TM2D1: variants seen among roughly 807,000 people sequenced by gnomAD.
TM2D1 encodes the protein TM2 domain containing 1, also known as TM2 domain-containing protein 1.
Under a neutral mutation model 28.4 loss-of-function variants are expected in TM2D1, and 15 were observed. That is an observed-to-expected ratio of 0.53 (90% CI 0.35 to 0.81). The LOEUF is 0.81. Among genes scored for constraint, TM2D1 ranks in the 40% least tolerant of loss-of-function variants. The probability of loss-of-function intolerance (pLI) is 0.01; values close to 1 mark genes in which losing one functional copy is unlikely to be tolerated. For synonymous variants in TM2D1, 93 were observed against 96.2 expected (o/e 0.97, Z 0.20); for missense variants, 236 against 254.9 (o/e 0.93, Z 0.50).
At chr1:61,708,944 C>G (rs1231236348) in intron 3 of TM2D1, among the ~76,000 whole-genome samples, 1 of 151,944 alleles carries the variant, frequency 6.6e-6, no homozygotes, top group Non-Finnish European at 1.5e-5. Flanking sequence ...ATGGGAGAAT[C>G]ATGTCAGGCC....
chr1:61,710,996 T>C (rs923485752), intron 2 of TM2D1, among the ~76,000 whole-genome samples: 2 of 152,164 alleles, frequency 1.3e-5, no homozygotes, highest in Non-Finnish European at 2.9e-5. Flanking sequence ...GTGTTTATAA[T>C]AAAACGCACA....
chr1:61,696,146 T>C (rs755120137), intron 4 of TM2D1: 2 of 152,260 alleles, frequency 1.3e-5, no homozygotes, highest in Non-Finnish European at 2.9e-5. Flanking sequence ...TGAGGTTTTA[T>C]CCAGCGTATT....
chr1:61,716,524 A>T (rs1196493792), intron 2 of TM2D1, among the ~76,000 whole-genome samples: 1 of 145,536 alleles, frequency 6.9e-6, no homozygotes, highest in African/African-American at 2.5e-5. Flanking sequence ...TATGTATATA[A>T]TTATATATGT....
intron 2 of TM2D1, among the ~76,000 whole-genome samples, chr1:61,714,268 C>T (rs143290540): frequency 0.022 from 3,369 of 150,780 alleles, 53 homozygotes; most frequent in Middle Eastern, 0.038. Flanking sequence ...CCTGGATGGG[C>T]GCAGTGGCTC....
At chr1:61,716,495 AAT>A (rs1362538835) in intron 2 of TM2D1, among the ~76,000 whole-genome samples, 1 of 145,376 alleles carries the variant, frequency 6.9e-6, no homozygotes, top group African/African-American at 2.5e-5. Context: ...ATACGTATAT[AAT>A]TATATATAAT....
chr1:61,699,413 G>T (rs898132218), intron 4 of TM2D1: 8 of 152,040 alleles, frequency 5.3e-5, no homozygotes, highest in Non-Finnish European at 8.8e-5. Context: ...GATAACTTTT[G>T]ATATCTAAAG....
At chr1:61,724,612 A>C (rs981976680) in intron 1 of TM2D1, among the ~76,000 whole-genome samples, 2 of 152,134 alleles carry the variant, frequency 1.3e-5, no homozygotes, top group Admixed American at 1.3e-4. Flanking sequence ...AGGGTAAGAG[A>C]CTATCCATCT....
At chr1:61,693,404 C>T (rs1013216602) in intron 5 of TM2D1, among the ~76,000 whole-genome samples, 3 of 152,154 alleles carry the variant, frequency 2.0e-5, no homozygotes, top group Non-Finnish European at 4.4e-5. Flanking sequence ...TTCAAAGACA[C>T]TTTGAATTCT....
chr1:61,686,294 CTG>C (rs1377191663), intron 5 of TM2D1, among the ~76,000 whole-genome samples: 3 of 84,738 alleles, frequency 3.5e-5, no homozygotes, highest in African/African-American at 4.8e-5. Context: ...ACAGAAGAAA[CTG>C]TTTTATTTAC....
At chr1:61,683,797 G>A (rs1644264694) in intron 5 of TM2D1, 1 of 261,334 alleles carries the variant, frequency 3.8e-6, no homozygotes, top group African/African-American at 2.3e-5. Context: ...GAGGCCCTTG[G>A]CTTCCCTGCC....
At chr1:61,721,546 A>G (rs1385913284) in intron 2 of TM2D1, among the ~76,000 whole-genome samples, 1 of 147,514 alleles carries the variant, frequency 6.8e-6, no homozygotes, top group Non-Finnish European at 1.5e-5. Flanking sequence ...TGTCTCAAAA[A>G]AAAAAAAAAA....
Position 61,705,598 on chromosome 1 carries a change from C to A in TM2D1, c.347+3731G>T, listed in dbSNP as rs1247545661. ...AATGGAAGGAAGATGTAAGTGTACA[C>A]CATTTCCAAGTCTGGCCCATAAAAT... is the stretch of plus-strand genomic sequence containing the variant. On this transcript the variant is annotated intron_variant, in intron 3 of 6. Transcript: ENST00000606498. Among the ~76,000 whole-genome samples, 5 of 152,264 alleles carry A rather than the reference C, an allele frequency of 3.3e-5. No homozygotes were observed. In the South Asian group the frequency reaches 1.0e-3, roughly 32 times the overall value.
At chr1:61,683,609 A>G in intron 5 of TM2D1, 63 bp from the exon 6 acceptor site, 1 of 833,142 alleles carries the variant, frequency 1.2e-6, no homozygotes, top group Non-Finnish European at 1.8e-6. Flanking sequence ...CACTTTGTTT[A>G]CTTTTCTCAG....
At chr1:61,710,426 A>C (rs1423169737) in intron 2 of TM2D1, among the ~76,000 whole-genome samples, 6 of 76,558 alleles carry the variant, frequency 7.8e-5, no homozygotes, top group Non-Finnish European at 1.5e-4. Flanking sequence ...ACCCTGTCCC[A>C]AAAAAAAAAA....
intron 2 of TM2D1, 74 bp from the exon 3 acceptor site, chr1:61,709,511 G>T: frequency 1.9e-6 from 2 of 1,051,502 alleles, no homozygotes; most frequent in Non-Finnish European, 2.9e-6. Flanking sequence ...TCTAAGACTA[G>T]CAAATATGTT....
chr1:61,709,210 G>T (rs1265127352), intron 3 of TM2D1, 119 bp downstream of exon 3: 2 of 665,100 alleles, frequency 3.0e-6, no homozygotes, highest in East Asian at 3.1e-5. Flanking sequence ...TCTGACACAA[G>T]CAAAAAGATA....
At chr1:61,702,619 T>C (rs1296455071) in intron 3 of TM2D1, among the ~76,000 whole-genome samples, 2 of 151,046 alleles carry the variant, frequency 1.3e-5, no homozygotes, top group Admixed American at 6.6e-5. Context: ...CCACCCGCCT[T>C]GGCCTCCCAA....
rs1644351025 is a variant in TM2D1 at position 61,694,600 on chromosome 1, T to C, written c.513+97A>G. 6.7e-6 allele frequency: 5 copies of C among 750,512 alleles called. No homozygotes were observed. The South Asian group carries it at 1.2e-4, about 18-fold the overall frequency. The allele number at this position is 750,512 out of a possible 1,614,324, so 46.5% of individuals were successfully genotyped here. A position where few individuals can be genotyped will look rare whatever the true frequency, so the allele number is the denominator to read the frequency against. ...AAAAATGGAAACAACCATTCTTCTCTGCTTCCTCGTATACTAAACATTTTA... is the reference window on the plus strand; with the variant it reads ...AAAAATGGAAACAACCATTCTTCTCCGCTTCCTCGTATACTAAACATTTTA... On this transcript the variant is annotated intron_variant, in intron 5 of 6. Coordinates refer to ENST00000606498, the MANE Select transcript of TM2D1 (RefSeq NM_032027.3).
intron 2 of TM2D1, among the ~76,000 whole-genome samples, chr1:61,715,899 T>C (rs1644514569): frequency 6.6e-6 from 1 of 150,706 alleles, no homozygotes; most frequent in Admixed American, 6.6e-5. Flanking sequence ...CCTCCCAGGT[T>C]CACGCCATTC....
Sources: allele counts gnomAD v4.1 joint callset (sites outside exome capture counted in the v4.1 genomes callset), GRCh38; gene constraint gnomAD v4.1.1; transcripts MANE v1.5; gene names NCBI Gene and HGNC (gene_info 2026-07-23, HGNC 2026-07-21).